Variants in PIK3C2G observed in about 807,000 individuals in gnomAD.
The protein encoded by PIK3C2G is phosphatidylinositol 3-kinase C2 domain-containing subunit gamma.
A neutral mutation model predicts 181.1 loss-of-function variants in PIK3C2G; 168 were observed. The ratio of observed to expected loss-of-function variants is 0.93; its 90% CI spans 0.82 to 1.05. The LOEUF (loss-of-function observed/expected upper bound fraction) is 1.05, where lower values mean the gene tolerates loss of function less well. PIK3C2G is among the 50% of genes least tolerant of loss of function. The pLI is 0.00. For synonymous variants in PIK3C2G, 573 were observed against 592.2 expected (o/e 0.97, Z 0.47); for missense variants, 1,869 against 1,732.8 (o/e 1.08, Z -1.40).
chr12:18,560,250 GAA>G lies in PIK3C2G; in HGVS notation c.3591-2450_3591-2449del, dbSNP rs1945278922. Among the ~76,000 whole-genome samples, 7 of 151,782 alleles carry G rather than the reference GAA, an allele frequency of 4.6e-5. No individual in the cohort carries two copies. The South Asian group carries it at 1.5e-3, about 32-fold the overall frequency. On this transcript the variant is annotated intron_variant, in intron 26 of 32. Coordinates refer to ENST00000538779, the MANE Select transcript of PIK3C2G (RefSeq NM_001288772.2). ...ACTCATTTTATATAAAAATGAACAA[GAA>G]AAGTGACCATGGTTGAAAGTCATAT...
chr12:18,607,564 G>C (rs1477775408), intron 30 of PIK3C2G, among the ~76,000 whole-genome samples: 1 of 152,154 alleles, frequency 6.6e-6, no homozygotes, highest in Non-Finnish European at 1.5e-5. Context: ...ATGGATTAAA[G>C]ACTTAAATGT....
chr12:18,271,191 T>A (rs1476746388), intron 1 of PIK3C2G, among the ~76,000 whole-genome samples: 1 of 151,822 alleles, frequency 6.6e-6, no homozygotes, highest in Non-Finnish European at 1.5e-5. Context: ...TTCCTTAGAG[T>A]CCCCAGACAT....
At chr12:18,722,214 C>A in the PIK3C2G span, among the ~76,000 whole-genome samples, 1 of 12,124 alleles carries the variant, frequency 8.2e-5, no homozygotes, top group East Asian at 0.1. Flanking sequence ...CTCTCCATCA[C>A]CTTCTTGCTC....
intron 29 of PIK3C2G, among the ~76,000 whole-genome samples, chr12:18,584,056 T>C (rs1946644177): frequency 6.6e-6 from 1 of 150,416 alleles, no homozygotes; most frequent in Non-Finnish European, 1.5e-5. Context: ...TGAGACAGAG[T>C]CTCGCTCTGT....
intron 28 of PIK3C2G, among the ~76,000 whole-genome samples, chr12:18,565,319 C>T (rs1565513799): frequency 6.6e-6 from 1 of 152,126 alleles, no homozygotes. Flanking sequence ...ATTTGTGTTT[C>T]TGGGTAACTT....
chr12:18,565,748 T>A (rs1945599178), intron 28 of PIK3C2G, among the ~76,000 whole-genome samples: 1 of 152,210 alleles, frequency 6.6e-6, no homozygotes, highest in Admixed American at 6.5e-5. Context: ...ATACATAAGA[T>A]GTTTTAGTAC....
intron 24 of PIK3C2G, among the ~76,000 whole-genome samples, chr12:18,519,307 T>C (rs1256595690): frequency 6.6e-6 from 1 of 151,478 alleles, no homozygotes; most frequent in Non-Finnish European, 1.5e-5. Flanking sequence ...TCTCGTTGTA[T>C]TGACAGTGGG....
chr12:18,360,354 G>C (rs749337421), intron 11 of PIK3C2G, among the ~76,000 whole-genome samples: 6 of 151,980 alleles, frequency 3.9e-5, no homozygotes, highest in Non-Finnish European at 8.8e-5. Context: ...TATTGTTGTA[G>C]CTATTTTTGT....
At chr12:18,305,288 A>C (rs1352956762) in intron 5 of PIK3C2G, among the ~76,000 whole-genome samples, 1 of 152,152 alleles carries the variant, frequency 6.6e-6, no homozygotes, top group East Asian at 1.9e-4. Flanking sequence ...AAGTTTGTTT[A>C]TTATGATTAA....
At chr12:18,420,068 A>G (rs1384347657) in intron 16 of PIK3C2G, among the ~76,000 whole-genome samples, 2 of 152,170 alleles carry the variant, frequency 1.3e-5, no homozygotes, top group East Asian at 3.8e-4. Flanking sequence ...TACTATAAGC[A>G]GTTCCTTCAC....
chr12:18,323,764 G>T (rs1199503652), intron 7 of PIK3C2G, among the ~76,000 whole-genome samples: 1 of 152,108 alleles, frequency 6.6e-6, no homozygotes, highest in East Asian at 1.9e-4. Flanking sequence ...TTTGATTTCA[G>T]CCCTTCTCTT....
chr12:18,403,906 A>G, intron 16 of PIK3C2G, among the ~76,000 whole-genome samples: 1 of 152,158 alleles, frequency 6.6e-6, no homozygotes, highest in East Asian at 1.9e-4. Context: ...ACTGCTAATA[A>G]CAAGCAAAAA....
chr12:18,262,993 T>A (rs1476342015), intron 1 of PIK3C2G, among the ~76,000 whole-genome samples: 1 of 152,194 alleles, frequency 6.6e-6, no homozygotes. Context: ...TTTTAACTGT[T>A]ATCAGTTCTT....
intron 24 of PIK3C2G, among the ~76,000 whole-genome samples, chr12:18,527,181 T>C (rs1046150456): frequency 6.6e-6 from 1 of 152,162 alleles, no homozygotes; most frequent in African/African-American, 2.4e-5. Flanking sequence ...ATTCCTCAGC[T>C]GGTCTAAGGT....
chr12:18,414,181 G>C (rs961802871), intron 16 of PIK3C2G, among the ~76,000 whole-genome samples: 6 of 152,004 alleles, frequency 3.9e-5, no homozygotes, highest in African/African-American at 1.4e-4. Context: ...CTCTTAAAAG[G>C]GCATATGATT....
At chr12:18,560,309 G>A (rs150317117) in intron 26 of PIK3C2G, among the ~76,000 whole-genome samples, 1,716 of 151,698 alleles carry the variant, frequency 0.011, 10 homozygotes, top group Middle Eastern at 0.017. Context: ...TAAATAAGAA[G>A]CAAAATAATA....
chr12:18,327,790 A>G (rs1347681056), intron 8 of PIK3C2G, among the ~76,000 whole-genome samples: 5 of 152,180 alleles, frequency 3.3e-5, no homozygotes, highest in African/African-American at 1.2e-4. Context: ...TGCTTACTTC[A>G]TGCAAATTAT....
chr12:18,620,555 T>C (rs1948812927), intron 31 of PIK3C2G, among the ~76,000 whole-genome samples: 1 of 151,960 alleles, frequency 6.6e-6, no homozygotes, highest in South Asian at 2.1e-4. Context: ...GATAGATAGA[T>C]AGATAGATAG....
chr12:18,656,003 G>A, the PIK3C2G span, among the ~76,000 whole-genome samples: 25 of 152,272 alleles, frequency 1.6e-4, no homozygotes, highest in South Asian at 6.2e-4. Context: ...GTGGACTTTA[G>A]CTAATAACAA....
Sources: allele counts gnomAD v4.1 joint callset (sites outside exome capture counted in the v4.1 genomes callset), GRCh38; gene constraint gnomAD v4.1.1; transcripts MANE v1.5; gene names NCBI Gene and HGNC (gene_info 2026-07-23, HGNC 2026-07-21).